SCAF8: variants seen among roughly 807,000 people sequenced by gnomAD.
SCAF8 encodes SR-related and CTD-associated factor 8.
Under a neutral mutation model 140.5 loss-of-function variants are expected in SCAF8, and 23 were observed. The observed-to-expected ratio is 0.16, with a 90% CI of 0.12 to 0.23. The LOEUF (loss-of-function observed/expected upper bound fraction) is 0.23. Among genes scored for constraint, SCAF8 ranks in the 10% least tolerant of loss-of-function variants. The probability of loss-of-function intolerance (pLI) is 1.00; values close to 1 mark genes in which losing one functional copy is unlikely to be tolerated. For missense variants in SCAF8, 1,397 were observed against 1,555.7 expected (o/e 0.90, Z 1.72); for synonymous variants, 575 against 528.9 (o/e 1.09, Z -1.20).
chr6:154,820,959 T>G (rs1778405439), intron 15 of SCAF8, among the ~76,000 whole-genome samples: 1 of 152,212 alleles, frequency 6.6e-6, no homozygotes, highest in Non-Finnish European at 1.5e-5. Flanking sequence ...CTTCACACCT[T>G]AGCTCTTTTA....
intron 18 of SCAF8, among the ~76,000 whole-genome samples, chr6:154,829,494 A>G (rs1046528541): frequency 7.9e-5 from 12 of 152,206 alleles, no homozygotes; most frequent in African/African-American, 2.7e-4. Context: ...AATTCAGGCA[A>G]GCCTACCTCA....
intron 2 of SCAF8, among the ~76,000 whole-genome samples, chr6:154,774,513 AACACTGTCTTTTGCC>A (rs554548039): frequency 1.1e-4 from 16 of 152,328 alleles, no homozygotes; most frequent in East Asian, 7.7e-4. Context: ...GAATGTGTTT[AACACTGTCTTTTGCC>A]ACACTGTCTT....
At chr6:154,805,074 C>T (rs1777873884) in intron 8 of SCAF8, among the ~76,000 whole-genome samples, 1 of 152,014 alleles carries the variant, frequency 6.6e-6, no homozygotes, top group African/African-American at 2.4e-5. Context: ...TTAATATGCT[C>T]TAATGAAAAA....
At chr6:154,827,699 T>G (rs749640042) in intron 18 of SCAF8, among the ~76,000 whole-genome samples, 5 of 152,166 alleles carry the variant, frequency 3.3e-5, no homozygotes, top group South Asian at 4.1e-4. Context: ...ACCAAAGGCT[T>G]GCTTAGATTC....
At position 154,797,938 on chromosome 6, in the gene SCAF8, C is replaced by T. The variant is rs895092141; in HGVS notation, c.606+2799C>T. On this transcript the variant is annotated intron_variant, in intron 6 of 19. Coordinates refer to ENST00000367178, the MANE Select transcript of SCAF8 (RefSeq NM_014892.5). Reference sequence around the variant, plus strand: ...ATCATCTACTTCTCCAATTTTCATACGTCTCACCCTTCACTATTCAAATCA... The same window carrying T: ...ATCATCTACTTCTCCAATTTTCATATGTCTCACCCTTCACTATTCAAATCA... Among the ~76,000 whole-genome samples, 7 of 151,464 alleles carry T rather than the reference C, an allele frequency of 4.6e-5. 1 individual carries two copies. The Middle Eastern group carries it at 0.017, about 368-fold the overall frequency.
chr6:154,806,319 G>A (rs1322580485), intron 9 of SCAF8, among the ~76,000 whole-genome samples: 1 of 152,058 alleles, frequency 6.6e-6, no homozygotes, highest in Non-Finnish European at 1.5e-5. Flanking sequence ...AAATGGTTAC[G>A]CATGTAAACT....
chr6:154,770,386 ACACTCTCTCTCT>A (rs1408846874), intron 1 of SCAF8, among the ~76,000 whole-genome samples: 124 of 133,506 alleles, frequency 9.3e-4, no homozygotes, highest in African/African-American at 3.5e-3. Context: ...ACACACACAC[ACACTCTCTCTCT>A]CTCTCTCTCT....
At chr6:154,792,578 A>G (rs1050689101) in intron 4 of SCAF8, among the ~76,000 whole-genome samples, 6 of 152,192 alleles carry the variant, frequency 3.9e-5, no homozygotes, top group African/African-American at 1.4e-4. Flanking sequence ...CCTGGATGTC[A>G]TCTCCGCCTT....
rs143694001 is a variant in SCAF8 at position 154,766,855 on chromosome 6, C to T, written c.31-7134C>T. Among the ~76,000 whole-genome samples the T allele has an allele frequency of 2.1e-3, 326 of 152,076 alleles. 3 individuals carry two copies. The highest frequency in any genetic ancestry group is 7.6e-3 in the African/African-American group (315 of 41,484). ...GGCATCTTCAGTGGTATAATACTTC[C>T]AGACTTATATGATGTTCTATTGGGG... On this transcript the variant is annotated intron_variant, in intron 1 of 19. Transcript: ENST00000367178.
intron 6 of SCAF8, 116 bp from the exon 7 acceptor site, chr6:154,801,855 T>C: frequency 1.5e-6 from 1 of 665,656 alleles, no homozygotes. Flanking sequence ...TAATAGTGTG[T>C]ATTTTTTTCA....
chr6:154,818,403 T>C, intron 13 of SCAF8, 76 bp from the exon 14 acceptor site: 2 of 637,270 alleles, frequency 3.1e-6, no homozygotes, highest in South Asian at 5.2e-5. Flanking sequence ...GTCAATGTTT[T>C]GTGTCATTTA....
intron 1 of SCAF8, among the ~76,000 whole-genome samples, chr6:154,755,816 G>T (rs1778953164): frequency 6.6e-6 from 1 of 152,166 alleles, no homozygotes; most frequent in African/African-American, 2.4e-5. Context: ...GTTGGTTTAG[G>T]AACTCAGTGA....
chr6:154,797,903 C>T (rs1777654237), intron 6 of SCAF8, among the ~76,000 whole-genome samples: 1 of 151,382 alleles, frequency 6.6e-6, no homozygotes. Context: ...GTTGCACTCC[C>T]TTTTACTTTA....
intron 4 of SCAF8, among the ~76,000 whole-genome samples, chr6:154,789,506 T>C (rs1373636146): frequency 6.6e-6 from 1 of 151,960 alleles, no homozygotes; most frequent in Non-Finnish European, 1.5e-5. Context: ...ATTACCTTAG[T>C]ACTTTAATAA....
intron 11 of SCAF8, among the ~76,000 whole-genome samples, chr6:154,809,247 A>T (rs1426458751): frequency 2.0e-5 from 3 of 152,156 alleles, no homozygotes; most frequent in Non-Finnish European, 4.4e-5. Context: ...TTATGAGCTT[A>T]ACTTAAAGAC....
intron 6 of SCAF8, among the ~76,000 whole-genome samples, chr6:154,800,131 A>G (rs1257936310): frequency 4.0e-5 from 6 of 150,820 alleles, no homozygotes; most frequent in African/African-American, 7.3e-5. Flanking sequence ...CATTGTTTAC[A>G]CTCCCGTTCT....
At chr6:154,817,505 A>G (rs1778288911) in intron 13 of SCAF8, among the ~76,000 whole-genome samples, 1 of 152,196 alleles carries the variant, frequency 6.6e-6, no homozygotes, top group South Asian at 2.1e-4. Flanking sequence ...AAGTCCATTC[A>G]GTTTGGCATT....
intron 1 of SCAF8, among the ~76,000 whole-genome samples, chr6:154,770,399 CT>C (rs1776711054): frequency 9.5e-5 from 4 of 41,888 alleles, no homozygotes; most frequent in Admixed American, 8.6e-4. Flanking sequence ...CTCTCTCTCT[CT>C]CTCTCTCTCT....
At chr6:154,782,083 GC>G (rs2114859610) in intron 3 of SCAF8, among the ~76,000 whole-genome samples, 1 of 152,240 alleles carries the variant, frequency 6.6e-6, no homozygotes, top group Non-Finnish European at 1.5e-5. Context: ...AATTAATTTT[GC>G]CAAAAATCAG....
Sources: allele counts gnomAD v4.1 joint callset (sites outside exome capture counted in the v4.1 genomes callset), GRCh38; gene constraint gnomAD v4.1.1; transcripts MANE v1.5; gene names NCBI Gene and HGNC (gene_info 2026-07-23, HGNC 2026-07-21).